Variants in ADAMTS6 observed in about 807,000 individuals in gnomAD.
ADAMTS6 encodes A disintegrin and metalloproteinase with thrombospondin motifs 6.
In ADAMTS6, 23 loss-of-function variants were observed where a neutral mutation model predicts 144.3. That is an observed-to-expected ratio of 0.16 (90% CI 0.11 to 0.23). The LOEUF is 0.23. Ranked by LOEUF, ADAMTS6 falls within the 10% of genes least tolerant of loss-of-function variation. ADAMTS6 has a pLI of 1.00. For missense variants in ADAMTS6, 999 were observed against 1,379.6 expected, an observed-to-expected ratio of 0.72 and a Z score of 4.37; for synonymous variants, 444 against 457.5, an observed-to-expected ratio of 0.97 and a Z score of 0.38.
chr5:65,256,604 CAATAGT>C (rs1760680400), intron 14 of ADAMTS6: 1 of 152,044 alleles, frequency 6.6e-6, no homozygotes, highest in Non-Finnish European at 1.5e-5. Flanking sequence ...CTCAACCCAC[CAATAGT>C]AAGTTCTACA....
chr5:65,480,791 A>G (rs1450226310), intron 1 of ADAMTS6, among the ~76,000 whole-genome samples: 2 of 152,152 alleles, frequency 1.3e-5, no homozygotes, highest in African/African-American at 4.8e-5. Flanking sequence ...TCAAAAACAC[A>G]CGTTTCCATC....
At chr5:65,324,885 T>C (rs963623395) in intron 9 of ADAMTS6, among the ~76,000 whole-genome samples, 1 of 152,180 alleles carries the variant, frequency 6.6e-6, no homozygotes, top group African/African-American at 2.4e-5. Context: ...CAGATGTGCA[T>C]AATAGTTCTA....
chr5:65,284,386 T>G (rs1451331261), intron 11 of ADAMTS6, among the ~76,000 whole-genome samples: 1 of 152,086 alleles, frequency 6.6e-6, no homozygotes, highest in Non-Finnish European at 1.5e-5. Context: ...AAATAATCTA[T>G]GCACTACCCC....
intron 21 of ADAMTS6, among the ~76,000 whole-genome samples, chr5:65,193,870 C>T (rs967110357): frequency 2.6e-5 from 4 of 152,180 alleles, no homozygotes; most frequent in Non-Finnish European, 1.5e-5. Context: ...CACATATCTA[C>T]TAAACGTTGT....
intron 4 of ADAMTS6, among the ~76,000 whole-genome samples, chr5:65,456,153 T>G (rs1048143630): frequency 1.3e-5 from 2 of 152,174 alleles, no homozygotes; most frequent in South Asian, 2.1e-4. Flanking sequence ...CATTCTATAA[T>G]TGCCAATTGA....
chr5:65,201,791 T>G (rs955420794), intron 20 of ADAMTS6, among the ~76,000 whole-genome samples: 7 of 152,160 alleles, frequency 4.6e-5, no homozygotes, highest in Non-Finnish European at 8.8e-5. Context: ...AGTCAGAGCT[T>G]GTACTAAAAA....
chr5:65,262,112 G>A (rs748095483), intron 13 of ADAMTS6, among the ~76,000 whole-genome samples: 14 of 152,144 alleles, frequency 9.2e-5, no homozygotes, highest in East Asian at 5.8e-4. Flanking sequence ...TAGAGGAACC[G>A]TTCACCTGTA....
intron 7 of ADAMTS6, among the ~76,000 whole-genome samples, chr5:65,403,526 C>A (rs551969334): frequency 6.6e-6 from 1 of 152,238 alleles, no homozygotes; most frequent in African/African-American, 2.4e-5. Context: ...AGAAGCAATT[C>A]CATTCAAATA....
intron 7 of ADAMTS6, among the ~76,000 whole-genome samples, chr5:65,385,545 C>T (rs1437024151): frequency 6.6e-6 from 1 of 151,900 alleles, no homozygotes; most frequent in Non-Finnish European, 1.5e-5. Context: ...AGCAGAGGAC[C>T]GATTCATAGT....
chr5:65,475,950 T>C (rs1580798154), intron 1 of ADAMTS6, among the ~76,000 whole-genome samples: 1 of 152,206 alleles, frequency 6.6e-6, no homozygotes, highest in East Asian at 1.9e-4. Flanking sequence ...CTTCCTCATA[T>C]CCATTCCCTT....
At chr5:65,323,901 C>G (rs1052694436) in intron 9 of ADAMTS6, among the ~76,000 whole-genome samples, 6 of 152,220 alleles carry the variant, frequency 3.9e-5, no homozygotes, top group African/African-American at 1.4e-4. Context: ...TGTTTTTTGG[C>G]TGCGTAAATG....
intron 24 of ADAMTS6, among the ~76,000 whole-genome samples, chr5:65,169,687 C>A (rs1753475257): frequency 6.6e-6 from 1 of 150,962 alleles, no homozygotes; most frequent in East Asian, 1.9e-4. Flanking sequence ...ACATATACAC[C>A]ATGGAATACT....
At chr5:65,444,536 G>A (rs1758114582) in intron 7 of ADAMTS6, among the ~76,000 whole-genome samples, 2 of 151,984 alleles carry the variant, frequency 1.3e-5, no homozygotes, top group Admixed American at 6.6e-5. Context: ...ATGACCAAAG[G>A]TATAAAAACA....
chr5:65,327,000 C>T (rs1043664272), intron 9 of ADAMTS6, among the ~76,000 whole-genome samples: 1 of 152,100 alleles, frequency 6.6e-6, no homozygotes, highest in East Asian at 1.9e-4. Context: ...ATCCCAAATA[C>T]TGGAGGTGGG....
At chr5:65,286,379 TC>T (rs1330286185) in intron 11 of ADAMTS6, among the ~76,000 whole-genome samples, 1 of 152,230 alleles carries the variant, frequency 6.6e-6, no homozygotes, top group Non-Finnish European at 1.5e-5. Context: ...GCTCATGTGT[TC>T]CCATTTATGG....
At chr5:65,284,668 A>T (rs1763230868) in intron 11 of ADAMTS6, among the ~76,000 whole-genome samples, 1 of 152,278 alleles carries the variant, frequency 6.6e-6, no homozygotes, top group Middle Eastern at 3.4e-3. Context: ...TTCTATCATT[A>T]ATCATCTAAT....
rs932010402 is a variant in ADAMTS6, at chr5:65,316,994, G to A, written c.1223+12384C>T. Among the ~76,000 whole-genome samples, 6 of 151,946 alleles carry A rather than the reference G, an allele frequency of 3.9e-5. No homozygotes were observed. In the East Asian group the frequency reaches 1.2e-3, roughly 29 times the overall value. ...TTTTGTTATTTTTTAGAAGAGATGG[G>A]GTTTCACCATGTTGGCCAGGCTGGT... On this transcript the variant is annotated intron_variant, in intron 9 of 24. Coordinates refer to ENST00000381055, the MANE Select transcript of ADAMTS6 (RefSeq NM_197941.4).
intron 24 of ADAMTS6, among the ~76,000 whole-genome samples, chr5:65,152,763 A>C (rs924051254): frequency 2.0e-5 from 3 of 152,220 alleles, no homozygotes; most frequent in African/African-American, 7.2e-5. Context: ...TTTGATTCTC[A>C]GAACTCCCCC....
chr5:65,387,226 T>C (rs766250446), intron 7 of ADAMTS6, among the ~76,000 whole-genome samples: 5 of 152,186 alleles, frequency 3.3e-5, no homozygotes, highest in Non-Finnish European at 7.4e-5. Flanking sequence ...AAACTAACAT[T>C]ATATATACAA....
Sources: gnomAD v4.1 joint callset for allele counts (sites outside exome capture counted in the v4.1 genomes callset) on GRCh38, gnomAD v4.1.1 for gene constraint, MANE v1.5 for transcripts, NCBI Gene and HGNC (gene_info 2026-07-23, HGNC 2026-07-21) for gene names.